Variants in TBX4 observed in about 807,000 individuals in gnomAD.
TBX4 encodes T-box transcription factor 4.
A neutral mutation model predicts 54.6 loss-of-function variants in TBX4; 13 were observed. That is an observed-to-expected ratio of 0.24 (90% CI 0.15 to 0.38). The LOEUF (loss-of-function observed/expected upper bound fraction) is 0.38. Among genes scored for constraint, TBX4 ranks in the 10% least tolerant of loss-of-function variants. The pLI is 1.00. For synonymous variants in TBX4, 314 were observed against 306.7 expected, an observed-to-expected ratio of 1.02 and a Z score of -0.25; for missense variants, 631 against 728.5, an observed-to-expected ratio of 0.87 and a Z score of 1.54.
At chr17:61,468,847 C>T (rs1408368086) in intron 5 of TBX4, among the ~76,000 whole-genome samples, 1 of 152,182 alleles carries the variant, frequency 6.6e-6, no homozygotes, top group South Asian at 2.1e-4. Context: ...AGCTGAGAGG[C>T]AGAGGGGCTT....
In TBX4 at chr17:61,484,971, T is replaced by A. The variant is rs976655566; in HGVS notation, c.*1455T>A. On this transcript the variant is annotated 3_prime_UTR_variant, in exon 9 of 9. Transcript: ENST00000644296. The surrounding 1 kb of genome is among the most constrained non-coding windows in gnomAD (Gnocchi z 4.1). ...ATATATATATATATATATATATATATAAACACACACACACTACAGATAAGG... is the reference window on the plus strand; with the variant it reads ...ATATATATATATATATATATATATAAAAACACACACACACTACAGATAAGG... The A allele has an allele frequency of 5.7e-5, 8 of 140,528 alleles. No homozygotes were observed. The highest frequency in any genetic ancestry group is 9.2e-5 in the Non-Finnish European group (6 of 65,138). 8.7% of individuals were successfully genotyped at this position (140,528 alleles called of 1,614,324 possible). A position where few individuals can be genotyped will look rare whatever the true frequency, so the allele number is the denominator to read the frequency against.
intron 5 of TBX4, among the ~76,000 whole-genome samples, chr17:61,477,035 G>A (rs935856506): frequency 6.6e-6 from 1 of 152,224 alleles, no homozygotes; most frequent in African/African-American, 2.4e-5. Context: ...CTTTCATTCA[G>A]CGTCAGTACC....
rs547194240 is a variant in TBX4, at chr17:61,474,293, G to C, written c.550-4334G>C. Reference sequence around the variant, plus strand: ...GGCCTGCTGACCCAAGTCCCTTACAGTGTTTAATTGGCACCTTCTCATTAA... The same window carrying C: ...GGCCTGCTGACCCAAGTCCCTTACACTGTTTAATTGGCACCTTCTCATTAA... On this transcript the variant is annotated intron_variant, in intron 5 of 8. Transcript: ENST00000644296. The surrounding 1 kb of genome is among the most constrained non-coding windows in gnomAD (Gnocchi z 4.6). 2.0e-5 allele frequency among the ~76,000 whole-genome samples: 3 copies of C among 152,330 alleles called. No homozygotes were observed. The highest frequency in any genetic ancestry group is 7.2e-5 in the African/African-American group (3 of 41,576).
In TBX4 at chr17:61,483,398, C is replaced by T. The variant is rs777040245; in HGVS notation, c.1523C>T (p.Ser508Leu). The change falls in exon 9 of 9, where the codon TCG becomes TTG. Residue 508 changes from serine (S) to leucine (L), a missense_variant. Around this residue, in one of 3 missense-constraint regions of TBX4, gnomAD observed 354 missense variants for 368.9 expected, o/e 0.96. Transcript: ENST00000644296. This position sits in a 1 kb window ranked among gnomAD's most constrained non-coding sequence, Gnocchi z 6.6. ...CAAGGGTGTGAGAGGAAGCCACCCT[C>T]GCCACATCTAAATGCTGCCAATGAG... ...LPQGCERKPP[S>L]PHLNAANEFL... 9 of 1,612,076 alleles carry T rather than the reference C, an allele frequency of 5.6e-6. No homozygotes were observed. The highest frequency in any genetic ancestry group is 4.0e-5 in the African/African-American group (3 of 74,928).
In TBX4 at chr17:61,461,057, A is replaced by AATTC. The variant is rs2143806992; in HGVS notation, c.281+3427_281+3428insTTCA. ...TGGATGATAAGAGAAGTAAGGGTTG[A>AATTC]AGACACTGGGAAAGTGGGTTGGGGA... On this transcript the variant is annotated intron_variant, in intron 3 of 8. Transcript: ENST00000644296. The surrounding 1 kb of genome is among the most constrained non-coding windows in gnomAD (Gnocchi z 5.1). Among the ~76,000 whole-genome samples the AATTC allele has an allele frequency of 6.6e-6, 1 of 152,344 alleles. No homozygotes were observed. The highest frequency in any genetic ancestry group is 1.9e-4 in the East Asian group (1 of 5,182).
rs553984298 is a variant in TBX4, at chr17:61,459,894, C to G, written c.281+2263C>G. 2.6e-5 allele frequency among the ~76,000 whole-genome samples: 4 copies of G among 152,094 alleles called. No homozygotes were observed. The South Asian group carries it at 6.3e-4, about 24-fold the overall frequency. ...CATTTCCTCCTTCATAGCTGCCCCC[C>G]TCCTTCAGCAACCACTGTATTGCTC... On this transcript the variant is annotated intron_variant, in intron 3 of 8. Transcript: ENST00000644296. The surrounding 1 kb of genome is among the most constrained non-coding windows in gnomAD (Gnocchi z 4.8).
At chr17:61,471,906 T>A (rs1038155867) in intron 5 of TBX4, among the ~76,000 whole-genome samples, 35 of 145,076 alleles carry the variant, frequency 2.4e-4, no homozygotes, top group African/African-American at 8.7e-4. Flanking sequence ...TTTTTTTTTT[T>A]TTTTTTTTTT....
At chr17:61,467,420 G>A (rs1007724804) in intron 4 of TBX4, 90 bp from the exon 5 acceptor site, 3 of 1,523,310 alleles carry the variant, frequency 2.0e-6, no homozygotes, top group Non-Finnish European at 2.7e-6. Context: ...TTTTCCTCTG[G>A]TCAATGGGGG....
At position 61,457,613 on chromosome 17, in the gene TBX4, T is replaced by C. The variant is rs754685175; in HGVS notation, c.263T>C (p.Ile88Thr). 1 of 1,613,366 alleles carries C rather than the reference T, an allele frequency of 6.2e-7. No homozygotes were observed. The highest frequency in any genetic ancestry group is 8.5e-7 in the Non-Finnish European group (1 of 1,179,892). The change falls in exon 3 of 9, where the codon ATC becomes ACC. Residue 88 changes from isoleucine to threonine, a missense_variant. Around this residue, in one of 3 missense-constraint regions of TBX4, gnomAD observed 154 missense variants for 238.6 expected, o/e 0.65. Transcript: ENST00000644296. The surrounding 1 kb of genome is among the most constrained non-coding windows in gnomAD (Gnocchi z 8.2). ...TTCCACGAGGCGGGCACCGAGATGATCATCACTAAGGCTGGCAGGTCAGCG... is the reference window on the plus strand; with the variant it reads ...TTCCACGAGGCGGGCACCGAGATGACCATCACTAAGGCTGGCAGGTCAGCG... ...KKFHEAGTEM[I>T]ITKAGRRMFP...
chr17:61,482,372 T>C (rs1297979724), intron 8 of TBX4, among the ~76,000 whole-genome samples: 1 of 152,198 alleles, frequency 6.6e-6, no homozygotes, highest in Non-Finnish European at 1.5e-5. Context: ...ACATGTGAGG[T>C]TAGTTCATCT....
rs905394753 is a variant in TBX4 at position 61,462,362 on chromosome 17, C to G, written c.282-3457C>G. Among the ~76,000 whole-genome samples, 19 of 152,092 alleles carry G rather than the reference C, an allele frequency of 1.2e-4. No homozygotes were observed. Among genetic ancestry groups the G allele is most frequent in the Non-Finnish European group, 2.2e-4 (15 of 67,988 alleles). On this transcript the variant is annotated intron_variant, in intron 3 of 8. Transcript: ENST00000644296. The surrounding 1 kb of genome is among the most constrained non-coding windows in gnomAD (Gnocchi z 4.5). The stretch of plus-strand genomic sequence containing the variant: ...GTGTGCCGTGGGGAGGGCGGGGGAG[C>G]CCCCATCTGTCTGGGGGCGCGGGAG...
intron 2 of TBX4, 45 bp downstream of exon 2, chr17:61,456,721 T>G: frequency 7.6e-7 from 1 of 1,321,156 alleles, no homozygotes; most frequent in Non-Finnish European, 9.7e-7. Flanking sequence ...CGTCGGTCTG[T>G]CTGCGGGGCC....
intron 5 of TBX4, among the ~76,000 whole-genome samples, chr17:61,477,420 G>A (rs574525227): frequency 8.5e-5 from 13 of 152,340 alleles, no homozygotes; most frequent in East Asian, 5.8e-4. Flanking sequence ...TTGTCCAGCC[G>A]CGGCAACCCG....
rs537806946 is a variant in TBX4 at position 61,480,557 on chromosome 17, T to C, written c.1021+238T>C. 9.2e-5 allele frequency among the ~76,000 whole-genome samples: 14 copies of C among 152,196 alleles called. No homozygotes were observed. Among genetic ancestry groups the C allele is most frequent in the Non-Finnish European group, 1.9e-4 (13 of 68,030 alleles). On this transcript the variant is annotated intron_variant, in intron 8 of 8. Coordinates refer to ENST00000644296, the MANE Select transcript of TBX4 (RefSeq NM_001321120.2). The surrounding 1 kb of genome is among the most constrained non-coding windows in gnomAD (Gnocchi z 6.2). ...CTTTGGAACCCTCACAGACAGCTTG[T>C]AGCCCCGGTGTCCCCAGACACCTTT...
chr17:61,455,863 G>A (rs1603247923), intron 1 of TBX4, among the ~76,000 whole-genome samples: 1 of 152,356 alleles, frequency 6.6e-6, no homozygotes, highest in East Asian at 1.9e-4. Context: ...AGAACGGGAA[G>A]AGGATGTGTG....
At chr17:61,456,742 G>T in intron 2 of TBX4, 66 bp downstream of exon 2, 3 of 1,230,466 alleles carry the variant, frequency 2.4e-6, no homozygotes, top group Non-Finnish European at 3.1e-6. Flanking sequence ...GCCTGTGTCC[G>T]TCTTTCCGTC....
In TBX4 at chr17:61,458,912, C is replaced by T. The variant is rs1472257799; in HGVS notation, c.281+1281C>T. Among the ~76,000 whole-genome samples, 4 of 144,212 alleles carry T rather than the reference C, an allele frequency of 2.8e-5. No individual in the cohort carries two copies. In the East Asian group the frequency reaches 6.5e-4, roughly 24 times the overall value. 94.6% of individuals were successfully genotyped at this position (144,212 alleles called of 152,430 possible). A position where few individuals can be genotyped will look rare whatever the true frequency, so the allele number is the denominator to read the frequency against. On this transcript the variant is annotated intron_variant, in intron 3 of 8. Transcript: ENST00000644296. ...AAGCCGGCTGGTTTGCTGTGTGCAGCGTATGGGGTGCTGTGGTCCTTCCTC... is the reference window on the plus strand; with the variant it reads ...AAGCCGGCTGGTTTGCTGTGTGCAGTGTATGGGGTGCTGTGGTCCTTCCTC...
Position 61,476,451 on chromosome 17 carries a change from A to G in TBX4, c.550-2176A>G, listed in dbSNP as rs1487616976. 6.6e-6 allele frequency among the ~76,000 whole-genome samples: 1 copy of G among 152,160 alleles called. No homozygotes were observed. Among genetic ancestry groups the G allele is most frequent in the Non-Finnish European group, 1.5e-5 (1 of 68,024 alleles). On this transcript the variant is annotated intron_variant, in intron 5 of 8. Coordinates refer to ENST00000644296, the MANE Select transcript of TBX4 (RefSeq NM_001321120.2). This position sits in a 1 kb window ranked among gnomAD's most constrained non-coding sequence, Gnocchi z 6.5. ...GTATTCCATTGCTGGATCTTCCGGG[A>G]ACGTGGGTCCTTTGTGGATGCCTGC...
rs1219950026 is a variant in TBX4, at chr17:61,470,397, G to A, written c.549+2740G>A. 2.0e-5 allele frequency among the ~76,000 whole-genome samples: 3 copies of A among 152,212 alleles called. No homozygotes were observed. The East Asian group carries it at 5.8e-4, about 29-fold the overall frequency. ...ATGCTGCTCTTCTCTGAAGTCTGAG[G>A]ACCTTAGATTGAAGTCTTGGGCCTG... On this transcript the variant is annotated intron_variant, in intron 5 of 8. Transcript: ENST00000644296.
Sources: gnomAD v4.1 joint callset for allele counts (sites outside exome capture counted in the v4.1 genomes callset) on GRCh38, gnomAD v4.1.1 for gene constraint, gnomAD v4.1.1 regional missense constraint, Gnocchi (gnomAD v3.1) non-coding constraint, MANE v1.5 for transcripts, NCBI Gene and HGNC (gene_info 2026-07-23, HGNC 2026-07-21) for gene names.